The following ERBB4 variants were observed in gnomAD, a reference collection of about 807,000 sequenced individuals.
The protein encoded by ERBB4 is receptor tyrosine-protein kinase erbB-4.
In ERBB4, 42 loss-of-function variants were observed where a neutral mutation model predicts 158.0. The ratio of observed to expected loss-of-function variants is 0.27; its 90% CI spans 0.21 to 0.34. The LOEUF is 0.34. Among genes scored for constraint, ERBB4 ranks in the 10% least tolerant of loss-of-function variants. ERBB4 has a pLI of 1.00. For synonymous variants in ERBB4, 583 were observed against 558.7 expected (o/e 1.04, Z -0.61); for missense variants, 1,333 against 1,624.1 (o/e 0.82, Z 3.08).
intron 3 of ERBB4, among the ~76,000 whole-genome samples, chr2:211,870,422 C>T (rs752777529): frequency 2.0e-5 from 3 of 151,784 alleles, no homozygotes; most frequent in African/African-American, 4.8e-5. Context: ...GGTATTTATA[C>T]TAAAATAAGA....
intron 1 of ERBB4, among the ~76,000 whole-genome samples, chr2:212,238,246 G>A (rs749663306): frequency 6.6e-6 from 1 of 152,176 alleles, no homozygotes; most frequent in Non-Finnish European, 1.5e-5. Context: ...GGGTTGCGAA[G>A]ACTGTAGGAA....
intron 1 of ERBB4, among the ~76,000 whole-genome samples, chr2:212,439,683 GT>G (rs1220242115): frequency 1.3e-5 from 2 of 152,074 alleles, no homozygotes; most frequent in East Asian, 3.9e-4. Context: ...TTCTGGTGGG[GT>G]TAGGATAAGA....
chr2:212,346,903 T>C (rs1403259498), intron 1 of ERBB4, among the ~76,000 whole-genome samples: 1 of 152,140 alleles, frequency 6.6e-6, no homozygotes, highest in East Asian at 1.9e-4. Flanking sequence ...GCATTTACAT[T>C]AAAATAAATA....
chr2:212,123,360 ACCACTGCGCT>A lies in ERBB4; in HGVS notation c.234+1382_234+1391del, dbSNP rs2079818640. Among the ~76,000 whole-genome samples the A allele has an allele frequency of 6.6e-5, 10 of 152,310 alleles. No individual in the cohort carries two copies. In the South Asian group the frequency reaches 1.9e-3, roughly 28 times the overall value. On this transcript the variant is annotated intron_variant, in intron 2 of 27. Coordinates refer to ENST00000342788, the MANE Select transcript of ERBB4 (RefSeq NM_005235.3). Reference sequence around the variant, plus strand: ...GGAGGTTGCAATGAGCCGATATCACACCACTGCGCTCCAGCCAGGGCGACAGAGCAAGACT... The same window carrying A: ...GGAGGTTGCAATGAGCCGATATCACACCAGCCAGGGCGACAGAGCAAGACT...
At chr2:212,218,322 C>A (rs1290175361) in intron 1 of ERBB4, among the ~76,000 whole-genome samples, 10 of 151,244 alleles carry the variant, frequency 6.6e-5, no homozygotes, top group Non-Finnish European at 1.5e-4. Flanking sequence ...TTATTCCTTC[C>A]ATAATATATG....
At chr2:211,570,148 T>A (rs2067672019) in intron 19 of ERBB4, among the ~76,000 whole-genome samples, 1 of 152,032 alleles carries the variant, frequency 6.6e-6, no homozygotes, top group Non-Finnish European at 1.5e-5. Flanking sequence ...TTGTGTTTTT[T>A]ATGTTTTATT....
At chr2:212,099,331 T>C (rs1164031358) in intron 2 of ERBB4, among the ~76,000 whole-genome samples, 1 of 152,034 alleles carries the variant, frequency 6.6e-6, no homozygotes, top group Non-Finnish European at 1.5e-5. Flanking sequence ...AGATACCTTA[T>C]TTTACTTACT....
intron 18 of ERBB4, among the ~76,000 whole-genome samples, chr2:211,622,359 A>G (rs2069637145): frequency 6.6e-6 from 1 of 152,308 alleles, no homozygotes; most frequent in East Asian, 1.9e-4. Flanking sequence ...AACAGTGCCT[A>G]TGCAAAGTAG....
chr2:211,400,641 G>GGGAGAGTA (rs1371742240), intron 25 of ERBB4, among the ~76,000 whole-genome samples: 2 of 151,658 alleles, frequency 1.3e-5, no homozygotes, highest in African/African-American at 4.8e-5. Context: ...GGTAGTCAAG[G>GGGAGAGTA]GGAGAGTAAG....
At chr2:211,502,243 C>T (rs1047401743) in intron 20 of ERBB4, among the ~76,000 whole-genome samples, 1 of 152,082 alleles carries the variant, frequency 6.6e-6, no homozygotes, top group African/African-American at 2.4e-5. Flanking sequence ...TCATAACATA[C>T]TTCTATGGCT....
intron 2 of ERBB4, among the ~76,000 whole-genome samples, chr2:212,000,509 TC>T (rs2076078958): frequency 6.6e-6 from 1 of 151,884 alleles, no homozygotes; most frequent in South Asian, 2.1e-4. Context: ...CTATATCCCC[TC>T]ATTTAGTAAT....
At chr2:211,390,335 G>A (rs1409282821) in intron 25 of ERBB4, among the ~76,000 whole-genome samples, 1 of 152,144 alleles carries the variant, frequency 6.6e-6, no homozygotes, top group East Asian at 1.9e-4. Context: ...AGAAGAAAAG[G>A]CAAGAATGAA....
intron 1 of ERBB4, among the ~76,000 whole-genome samples, chr2:212,351,097 T>G (rs190317792): frequency 6.6e-6 from 1 of 152,262 alleles, no homozygotes; most frequent in Non-Finnish European, 1.5e-5. Flanking sequence ...ACTTGGAGTA[T>G]GTACTTGGAG....
chr2:211,492,422 A>T (rs2125573997), intron 20 of ERBB4, among the ~76,000 whole-genome samples: 1 of 152,278 alleles, frequency 6.6e-6, no homozygotes, highest in South Asian at 2.1e-4. Flanking sequence ...CTAATAAAAC[A>T]GTTTATTGTG....
intron 2 of ERBB4, among the ~76,000 whole-genome samples, chr2:212,067,458 C>A (rs923994532): frequency 3.9e-5 from 6 of 151,936 alleles, no homozygotes; most frequent in Non-Finnish European, 5.9e-5. Context: ...AAGTTAGATC[C>A]TGAATTCTTC....
rs548231918 is a variant in ERBB4, at chr2:212,519,000, G to A, written c.82+19449C>T. ...GTTATATCATCTCCCCTGAAAAAAT[G>A]TTATATGGGACTATTACTAATGCCA... On this transcript the variant is annotated intron_variant, in intron 1 of 27. Transcript: ENST00000342788. Among the ~76,000 whole-genome samples, 7 of 152,036 alleles carry A rather than the reference G, an allele frequency of 4.6e-5. No homozygotes were observed. In the South Asian group the frequency reaches 1.5e-3, roughly 32 times the overall value.
chr2:211,598,785 T>G (rs981358988), intron 19 of ERBB4, among the ~76,000 whole-genome samples: 1 of 152,194 alleles, frequency 6.6e-6, no homozygotes, highest in Admixed American at 6.5e-5. Context: ...ATGTACACCA[T>G]GTACTAGGAA....
chr2:211,944,849 C>T (rs1039897791), intron 3 of ERBB4, among the ~76,000 whole-genome samples: 4 of 152,020 alleles, frequency 2.6e-5, no homozygotes, highest in Non-Finnish European at 5.9e-5. Flanking sequence ...GGATGATGCT[C>T]ATGGTGATGG....
intron 2 of ERBB4, among the ~76,000 whole-genome samples, chr2:212,053,070 C>T (rs972332219): frequency 6.6e-6 from 1 of 152,100 alleles, no homozygotes; most frequent in African/African-American, 2.4e-5. Flanking sequence ...TAAAGCCCAG[C>T]ACATTGAGAG....
Sources: allele counts gnomAD v4.1 joint callset (sites outside exome capture counted in the v4.1 genomes callset), GRCh38; gene constraint gnomAD v4.1.1; transcripts MANE v1.5; gene names NCBI Gene and HGNC (gene_info 2026-07-23, HGNC 2026-07-21).